SLCO1A2: variants seen among roughly 807,000 people sequenced by gnomAD.
SLCO1A2 encodes the protein solute carrier organic anion transporter family member 1A2.
In SLCO1A2, 67 loss-of-function variants were observed where a neutral mutation model predicts 69.0. That is an observed-to-expected ratio of 0.97 (90% CI 0.80 to 1.19). The LOEUF is 1.19. SLCO1A2 is among the 50% of genes most tolerant of loss of function. The probability of loss-of-function intolerance (pLI) is 0.00; values close to 1 mark genes in which losing one functional copy is unlikely to be tolerated. For missense variants in SLCO1A2, 787 were observed against 793.7 expected (o/e 0.99, Z 0.10); for synonymous variants, 260 against 265.9 (o/e 0.98, Z 0.22).
At chr12:21,375,273 A>G (rs1421876488) in intron 1 of SLCO1A2, among the ~76,000 whole-genome samples, 3 of 152,138 alleles carry the variant, frequency 2.0e-5, no homozygotes, top group South Asian at 2.1e-4. Context: ...ACATTCTTCA[A>G]ATTGCTTTTT....
chr12:21,395,717 T>C (rs1479589038), upstream of SLCO1A2, among the ~76,000 whole-genome samples: 2 of 152,140 alleles, frequency 1.3e-5, no homozygotes, highest in African/African-American at 4.8e-5. Flanking sequence ...CCCTGACCCC[T>C]GACCCCCGAG....
chr12:21,270,456 T>G (rs1942608428), intron 14 of SLCO1A2, among the ~76,000 whole-genome samples: 1 of 151,806 alleles, frequency 6.6e-6, no homozygotes, highest in South Asian at 2.1e-4. Flanking sequence ...ATTTTTTTCT[T>G]GTACTGAACT....
chr12:21,379,864 G>A (rs1040472080), intron 1 of SLCO1A2: 8 of 152,128 alleles, frequency 5.3e-5, no homozygotes, highest in South Asian at 2.1e-4. Context: ...AGAGGCTTTC[G>A]TTGGTGGTGG....
At chr12:21,404,507 T>C (rs1354376470) in intron 1 of SLCO1A2, among the ~76,000 whole-genome samples, 2 of 152,136 alleles carry the variant, frequency 1.3e-5, no homozygotes, top group Non-Finnish European at 2.9e-5. Context: ...TGTTCCTGCA[T>C]TAGTTTGCTG....
chr12:21,319,695 T>C (rs10770797), intron 2 of SLCO1A2: 107,040 of 319,262 alleles, frequency 0.34, 18,823 homozygotes, highest in African/African-American at 0.46. Flanking sequence ...TCCTTACTGC[T>C]TGCCTAATAT....
chr12:21,365,211 G>A (rs1939277377), intron 2 of SLCO1A2, among the ~76,000 whole-genome samples: 1 of 152,098 alleles, frequency 6.6e-6, no homozygotes, highest in African/African-American at 2.4e-5. Context: ...ATAGACCAAT[G>A]GAACAGAATA....
chr12:21,374,816 A>G (rs1220157824), intron 1 of SLCO1A2, among the ~76,000 whole-genome samples: 1 of 129,876 alleles, frequency 7.7e-6, no homozygotes, highest in Non-Finnish European at 1.6e-5. Flanking sequence ...ATTTTGAGAC[A>G]GGGTCTCTCT....
intron 2 of SLCO1A2, among the ~76,000 whole-genome samples, chr12:21,343,859 T>C (rs1341100046): frequency 1.3e-5 from 2 of 152,106 alleles, no homozygotes; most frequent in Non-Finnish European, 2.9e-5. Flanking sequence ...AACAAAATTT[T>C]GCAATACCTT....
chr12:21,307,065 T>A, intron 4 of SLCO1A2, 77 bp from the exon 5 acceptor site: 2 of 952,886 alleles, frequency 2.1e-6, no homozygotes, highest in Non-Finnish European at 3.3e-6. Context: ...GATTGTTACC[T>A]TCTGCTTCCC....
rs760159202 is a variant in SLCO1A2, at chr12:21,275,520, T to C, written c.1611-96A>G. 4.5e-4 allele frequency: 549 copies of C among 1,214,994 alleles called. 2 individuals carry two copies. The highest frequency in any genetic ancestry group is 5.6e-4 in the Non-Finnish European group (525 of 936,812). The allele number at this position is 1,214,994 out of a possible 1,614,324, so 75.3% of individuals were successfully genotyped here. A position where few individuals can be genotyped will look rare whatever the true frequency, so the allele number is the denominator to read the frequency against. ...CCAGTTGTAAGCTAGTCACACATAA[T>C]GAACATTCAAAATTTTACTTTCATG... On this transcript the variant is annotated intron_variant, in intron 12 of 14. Transcript: ENST00000683939.
intron 6 of SLCO1A2, among the ~76,000 whole-genome samples, chr12:21,302,172 T>C (rs80054386): frequency 0.014 from 2,164 of 152,216 alleles, 48 homozygotes; most frequent in African/African-American, 0.048. Flanking sequence ...CCTTTCACTA[T>C]ACTCTCTGCC....
intron 1 of SLCO1A2, among the ~76,000 whole-genome samples, chr12:21,406,194 G>A (rs952207540): frequency 6.6e-6 from 1 of 152,202 alleles, no homozygotes. Context: ...GTCTGTGTGT[G>A]TGTGTATGCG....
chr12:21,340,340 A>G (rs1214475586), intron 2 of SLCO1A2, among the ~76,000 whole-genome samples: 1 of 152,030 alleles, frequency 6.6e-6, no homozygotes, highest in Non-Finnish European at 1.5e-5. Context: ...GACTGACTTG[A>G]TGATACATAC....
upstream of SLCO1A2, among the ~76,000 whole-genome samples, chr12:21,337,634 G>T (rs1409298357): frequency 1.3e-5 from 2 of 151,846 alleles, no homozygotes; most frequent in Non-Finnish European, 2.9e-5. Context: ...CTCTTGGGTG[G>T]TATCCAGCTG....
intron 12 of SLCO1A2, among the ~76,000 whole-genome samples, chr12:21,286,961 A>C (rs1945922079): frequency 6.6e-6 from 1 of 150,976 alleles, no homozygotes; most frequent in African/African-American, 2.4e-5. Context: ...CAAGGACTTC[A>C]TGTCCAAAAC....
intron 2 of SLCO1A2, among the ~76,000 whole-genome samples, chr12:21,340,947 T>C (rs951235031): frequency 6.6e-6 from 1 of 151,942 alleles, no homozygotes; most frequent in Non-Finnish European, 1.5e-5. Flanking sequence ...TTAGAGATAA[T>C]AATAAAAATA....
chr12:21,301,276 A>C lies in SLCO1A2; in HGVS notation c.590-7T>G, dbSNP rs370383835. 20 of 1,596,042 alleles carry C rather than the reference A, an allele frequency of 1.3e-5. No homozygotes were observed. In the East Asian group the frequency reaches 3.4e-4, roughly 27 times the overall value. ...GCTCCTGTTTCTACAAGCCCTAAAA[A>C]TAAATAAAAGTATAAGGTTATAGTA... On this transcript the variant is annotated splice_polypyrimidine_tract_variant and splice_region_variant and intron_variant, in intron 6 of 14. Coordinates refer to ENST00000683939, the MANE Select transcript of SLCO1A2 (RefSeq NM_001386879.1).
chr12:21,321,243 C>A (rs1054412959), intron 2 of SLCO1A2, among the ~76,000 whole-genome samples: 1 of 152,158 alleles, frequency 6.6e-6, no homozygotes, highest in East Asian at 1.9e-4. Flanking sequence ...TTTGGTCAAC[C>A]CTTTCAGGCC....
chr12:21,411,193 T>A (rs938158834), intron 1 of SLCO1A2, among the ~76,000 whole-genome samples: 1 of 152,230 alleles, frequency 6.6e-6, no homozygotes, highest in South Asian at 2.1e-4. Context: ...GTTTAAGAAA[T>A]CTTACCCTGC....
Sources: allele counts gnomAD v4.1 joint callset (sites outside exome capture counted in the v4.1 genomes callset), GRCh38; gene constraint gnomAD v4.1.1; transcripts MANE v1.5; gene names NCBI Gene and HGNC (gene_info 2026-07-23, HGNC 2026-07-21).